JAK1: variants seen among roughly 807,000 people sequenced by gnomAD.
The protein encoded by JAK1 is Janus kinase 1, also known as tyrosine-protein kinase JAK1.
JAK1 carries 16 observed loss-of-function variants against 136.6 expected under a neutral mutation model. The ratio of observed to expected loss-of-function variants is 0.12; its 90% CI spans 0.08 to 0.18. The LOEUF (loss-of-function observed/expected upper bound fraction) is 0.18, where lower values mean the gene tolerates loss of function less well. Among genes scored for constraint, JAK1 ranks in the 10% least tolerant of loss-of-function variants. The probability of loss-of-function intolerance (pLI) is 1.00; values close to 1 mark genes in which losing one functional copy is unlikely to be tolerated. For synonymous variants in JAK1, 492 were observed against 519.5 expected (o/e 0.95, Z 0.72); for missense variants, 859 against 1,450.1 (o/e 0.59, Z 6.62).
Position 64,984,939 on chromosome 1 carries a change from C to T in JAK1, c.-78+59541G>A, listed in dbSNP as rs926300907. ...GCTGAAGAGTTCAGCCACAATAAACCAGGGAATGTGGTCTGGCCCAATTTC... is the reference window on the plus strand; with the variant it reads ...GCTGAAGAGTTCAGCCACAATAAACTAGGGAATGTGGTCTGGCCCAATTTC... On this transcript the variant is annotated intron_variant, in intron 2 of 25. Coordinates refer to the JAK1 transcript ENST00000671954. The surrounding 1 kb of genome is among the most constrained non-coding windows in gnomAD (Gnocchi z 4.1). 4.6e-6 allele frequency: 5 copies of T among 1,096,502 alleles called. No individual in the cohort carries two copies. In the African/African-American group the frequency reaches 7.7e-5, roughly 17 times the overall value. 67.9% of individuals were successfully genotyped at this position (1,096,502 alleles called of 1,614,324 possible). A position where few individuals can be genotyped will look rare whatever the true frequency, so the allele number is the denominator to read the frequency against.
chr1:64,990,072 C>T lies in JAK1; in HGVS notation c.-78+54408G>A, dbSNP rs535369505. The T allele has an allele frequency of 2.6e-5, 4 of 152,384 alleles. No individual in the cohort carries two copies. In the East Asian group the frequency reaches 7.7e-4, roughly 29 times the overall value. The allele number at this position is 152,384 out of a possible 1,614,324, so 9.4% of individuals were successfully genotyped here. On this transcript the variant is annotated intron_variant, in intron 2 of 25. Transcript: ENST00000671954. ...CCTATAATCCCAGTACTTTGGGAGG[C>T]TGAGGCAGGCAGATCACTTGCGGTC...
chr1:65,060,205 T>G (rs1647728756), intron 1 of JAK1, among the ~76,000 whole-genome samples: 1 of 152,024 alleles, frequency 6.6e-6, no homozygotes, highest in South Asian at 2.1e-4. Flanking sequence ...TTTACCCGAA[T>G]TATAAACATC....
intron 2 of JAK1, chr1:64,985,227 T>A (rs540515992): frequency 1.3e-6 from 2 of 1,596,676 alleles, no homozygotes. Flanking sequence ...TGTTGAGTAA[T>A]AGAACACAGT....
chr1:64,856,950 C>T (rs149040182), intron 10 of JAK1, among the ~76,000 whole-genome samples: 3 of 152,350 alleles, frequency 2.0e-5, no homozygotes, highest in East Asian at 1.9e-4. Flanking sequence ...TTAAAGTGTA[C>T]TGATGTAAAG....
chr1:64,898,088 T>TA (rs1645051206), intron 1 of JAK1, among the ~76,000 whole-genome samples: 1 of 152,144 alleles, frequency 6.6e-6, no homozygotes, highest in African/African-American at 2.4e-5. Context: ...GAAACTTCTT[T>TA]AAAAAATAAA....
intron 1 of JAK1, among the ~76,000 whole-genome samples, chr1:65,045,379 CAGG>C (rs1232888778): frequency 7.2e-5 from 11 of 152,242 alleles, no homozygotes; most frequent in Non-Finnish European, 1.5e-4. Flanking sequence ...AAGTGACAGA[CAGG>C]AGAAGAGAGA....
Position 64,844,964 on chromosome 1 carries a change from C to G in JAK1, c.2116-75G>C. 6.3e-7 allele frequency: 1 copy of G among 1,590,224 alleles called. No homozygotes were observed. Among genetic ancestry groups the G allele is most frequent in the Non-Finnish European group, 8.6e-7 (1 of 1,162,726 alleles). On this transcript the variant is annotated intron_variant, in intron 15 of 24. Transcript: ENST00000342505. This position sits in a 1 kb window ranked among gnomAD's most constrained non-coding sequence, Gnocchi z 5.7. ...TATTTCCAACCCTGGTCCCTCAGGT[C>G]ATCTCTTCCTACCCCCAGCTACAGC...
chr1:64,942,039 T>C (rs1365208907), intron 1 of JAK1: 1 of 152,228 alleles, frequency 6.6e-6, no homozygotes, highest in Non-Finnish European at 1.5e-5. Context: ...AAACTACTCC[T>C]GGATGAACAT....
chr1:64,864,966 A>C lies in JAK1; in HGVS notation c.997T>G (p.Ser333Ala). 1.2e-6 allele frequency: 2 copies of C among 1,610,872 alleles called. No individual in the cohort carries two copies. The highest frequency in any genetic ancestry group is 1.7e-6 in the Non-Finnish European group (2 of 1,177,980). The change falls in exon 8 of 25, where the codon TCT becomes GCT. Residue 333 changes from serine to alanine, a missense_variant. Physicochemically the swap from Ser to Ala is moderately conservative, Grantham distance 99. Coordinates refer to ENST00000342505, the MANE Select transcript of JAK1 (RefSeq NM_002227.4). ...IQWRHKPNVV[S>A]VEKEKNKLKR... ...AGTTTATTTTTTTCCTTTTCAACAG[A>C]AACAACCTGATAAGATACATAAAAG...
At position 64,999,993 on chromosome 1, in the gene JAK1, GTT is replaced by G. The variant is rs370410704; in HGVS notation, c.-78+44485_-78+44486del. The stretch of plus-strand genomic sequence containing the variant: ...TGGGGGTTGGGGGAGAGAATCATAA[GTT>G]TTTTTTTTTTTTTTAAGATGGAGTC... On this transcript the variant is annotated intron_variant, in intron 2 of 25. Transcript: ENST00000671954. Among the ~76,000 whole-genome samples the G allele has an allele frequency of 3.0e-4, 43 of 141,602 alleles. 3 individuals are homozygous for G. Among genetic ancestry groups the G allele is most frequent in the African/African-American group, 4.6e-4 (18 of 38,896 alleles). 92.9% of individuals were successfully genotyped at this position (141,602 alleles called of 152,430 possible).
In JAK1 at chr1:64,860,267, T is replaced by A. The variant is rs1656205006; in HGVS notation, c.1177-5A>T. 6.3e-7 allele frequency: 1 copy of A among 1,599,510 alleles called. No individual in the cohort carries two copies. The highest frequency in any genetic ancestry group is 1.3e-5 in the African/African-American group (1 of 74,518). On this transcript the variant is annotated splice_region_variant and splice_polypyrimidine_tract_variant and intron_variant, in intron 8 of 24. Transcript: ENST00000342505. ...GTGGGAAGAGAGCTTCAGTTCCTGT[T>A]GAGAGAGAAGAAATTCCCACGGTTA...
At chr1:64,854,604 T>C (rs567139063) in intron 11 of JAK1, among the ~76,000 whole-genome samples, 6 of 152,270 alleles carry the variant, frequency 3.9e-5, no homozygotes, top group Middle Eastern at 3.4e-3. Context: ...AGTCCTCACA[T>C]TCTAAGAGAC....
Position 64,877,906 on chromosome 1 carries a change from G to C in JAK1, c.329+1119C>G, listed in dbSNP as rs578164895. Among the ~76,000 whole-genome samples the C allele has an allele frequency of 2.6e-5, 4 of 152,290 alleles. No individual in the cohort carries two copies. In the South Asian group the frequency reaches 8.3e-4, roughly 32 times the overall value. On this transcript the variant is annotated intron_variant, in intron 4 of 24. Coordinates refer to ENST00000342505, the MANE Select transcript of JAK1 (RefSeq NM_002227.4). ...GCACACAGCTTTCCTCTCCAGGTGA[G>C]ACTTTGGTTAAGCATAGAAAGAAGA...
chr1:64,961,536 C>A (rs990118038), intron 1 of JAK1, among the ~76,000 whole-genome samples: 1 of 152,144 alleles, frequency 6.6e-6, no homozygotes, highest in African/African-American at 2.4e-5. Context: ...GAGCTACGGT[C>A]TTCACAATCT....
At chr1:65,028,591 C>G (rs1464060424) in intron 2 of JAK1, among the ~76,000 whole-genome samples, 1 of 152,090 alleles carries the variant, frequency 6.6e-6, no homozygotes, top group Non-Finnish European at 1.5e-5. Flanking sequence ...AACTTCTTAT[C>G]TAAGAAGATC....
chr1:65,056,963 T>C (rs1014078237), intron 1 of JAK1, among the ~76,000 whole-genome samples: 2 of 149,798 alleles, frequency 1.3e-5, no homozygotes, highest in African/African-American at 4.9e-5. Context: ...ATGGTTTTTC[T>C]CTCCCTGGCC....
At chr1:65,030,945 G>A (rs3014973) in intron 2 of JAK1, among the ~76,000 whole-genome samples, 8,876 of 151,968 alleles carry the variant, frequency 0.058, 621 homozygotes, top group East Asian at 0.38. Context: ...CTTAAGCCTA[G>A]GAGTTTAAGA....
chr1:64,985,541 A>C, intron 2 of JAK1: 16 of 1,333,842 alleles, frequency 1.2e-5, no homozygotes, highest in Non-Finnish European at 1.7e-5. Flanking sequence ...CTAATAGCAC[A>C]GGCCATAGGT....
At chr1:65,049,138 G>A (rs893646917) in intron 1 of JAK1, among the ~76,000 whole-genome samples, 3 of 152,118 alleles carry the variant, frequency 2.0e-5, no homozygotes, top group Admixed American at 6.5e-5. Flanking sequence ...GAGTAAGGGC[G>A]AGGCCTGGCA....
Sources: gnomAD v4.1 joint callset for allele counts (sites outside exome capture counted in the v4.1 genomes callset) on GRCh38, gnomAD v4.1.1 for gene constraint, Gnocchi (gnomAD v3.1) non-coding constraint, MANE v1.5 for transcripts, NCBI Gene and HGNC (gene_info 2026-07-23, HGNC 2026-07-21) for gene names.